KIAA1549L: variants seen among roughly 807,000 people sequenced by gnomAD.
KIAA1549L encodes the protein UPF0606 protein KIAA1549L.
In KIAA1549L, 88 loss-of-function variants were observed where a neutral mutation model predicts 160.7. The observed-to-expected ratio is 0.55, with a 90% confidence interval of 0.46 to 0.65. The LOEUF (loss-of-function observed/expected upper bound fraction) is 0.65. Among genes scored for constraint, KIAA1549L ranks in the 30% least tolerant of loss-of-function variants. KIAA1549L has a pLI of 0.00. For missense variants in KIAA1549L, 2,258 were observed against 2,437.5 expected (o/e 0.93, Z 1.55); for synonymous variants, 950 against 976.7 (o/e 0.97, Z 0.51).
At chr11:33,586,207 C>G (rs143513263) in intron 11 of KIAA1549L, among the ~76,000 whole-genome samples, 1 of 152,232 alleles carries the variant, frequency 6.6e-6, no homozygotes, top group Non-Finnish European at 1.5e-5. Context: ...CTGGGGACAT[C>G]GCTGCATCTT....
intron 1 of KIAA1549L, among the ~76,000 whole-genome samples, chr11:33,485,758 C>A (rs1037853095): frequency 2.6e-5 from 4 of 152,010 alleles, no homozygotes; most frequent in African/African-American, 7.2e-5. Flanking sequence ...AATTTTATAT[C>A]CTTTGACTAA....
intron 10 of KIAA1549L, among the ~76,000 whole-genome samples, chr11:33,575,470 C>T (rs1416013833): frequency 6.6e-6 from 1 of 152,154 alleles, no homozygotes; most frequent in Non-Finnish European, 1.5e-5. Context: ...AGCTGCTATG[C>T]GAGTTACTTC....
chr11:33,562,676 CTCTTT>C (rs1301821747), intron 8 of KIAA1549L, among the ~76,000 whole-genome samples: 8 of 135,954 alleles, frequency 5.9e-5, no homozygotes, highest in Admixed American at 2.2e-4. Flanking sequence ...ACTTCATTTC[CTCTTT>C]TTTTTTTTTT....
intron 16 of KIAA1549L, among the ~76,000 whole-genome samples, chr11:33,633,826 A>C (rs1263300802): frequency 6.6e-6 from 1 of 152,174 alleles, no homozygotes; most frequent in Non-Finnish European, 1.5e-5. Flanking sequence ...AAGTTAGGCC[A>C]GTTACCTTCC....
intron 1 of KIAA1549L, among the ~76,000 whole-genome samples, chr11:33,423,329 G>C (rs1851056927): frequency 6.6e-6 from 1 of 152,170 alleles, no homozygotes; most frequent in African/African-American, 2.4e-5. Context: ...AGCTTGGGTG[G>C]AGGGGTGGTG....
At chr11:33,555,796 G>T (rs1378749231) in intron 6 of KIAA1549L, among the ~76,000 whole-genome samples, 1 of 152,128 alleles carries the variant, frequency 6.6e-6, no homozygotes, top group African/African-American at 2.4e-5. Flanking sequence ...AAAAGAAAAA[G>T]TAGGCAAATT....
At chr11:33,552,855 A>C (rs1006261191) in intron 6 of KIAA1549L, among the ~76,000 whole-genome samples, 1 of 152,238 alleles carries the variant, frequency 6.6e-6, no homozygotes, top group African/African-American at 2.4e-5. Context: ...AACTTCCAGA[A>C]GGTCACACGG....
intron 1 of KIAA1549L, among the ~76,000 whole-genome samples, chr11:33,422,125 GC>G (rs1851024756): frequency 6.6e-6 from 1 of 151,912 alleles, no homozygotes; most frequent in Non-Finnish European, 1.5e-5. Context: ...CTCTCTCCAT[GC>G]CCCTTTACTA....
intron 1 of KIAA1549L, among the ~76,000 whole-genome samples, chr11:33,487,381 C>CAGGGACCAT (rs1852551886): frequency 6.8e-6 from 1 of 146,332 alleles, no homozygotes; most frequent in South Asian, 2.2e-4. Context: ...GCCCTGGAGG[C>CAGGGACCAT]AGGGACCATG....
chr11:33,545,417 G>A, intron 3 of KIAA1549L, 39 bp downstream of exon 3: 8 of 1,564,534 alleles, frequency 5.1e-6, no homozygotes, highest in Non-Finnish European at 6.9e-6. Flanking sequence ...CAGCAAGCCT[G>A]GCCTCAGAGA....
chr11:33,634,592 G>A (rs1460634853), intron 16 of KIAA1549L, among the ~76,000 whole-genome samples: 2 of 152,242 alleles, frequency 1.3e-5, no homozygotes, highest in African/African-American at 4.8e-5. Flanking sequence ...GTTATGGGGG[G>A]AGAAAGACGG....
At chr11:33,646,362 C>T (rs189755051) in intron 17 of KIAA1549L, among the ~76,000 whole-genome samples, 120 of 152,298 alleles carry the variant, frequency 7.9e-4, no homozygotes, top group African/African-American at 2.7e-3. Flanking sequence ...GCCTGAGACC[C>T]ATTTTAAATA....
At chr11:33,620,566 C>T (rs549016101) in intron 16 of KIAA1549L, among the ~76,000 whole-genome samples, 2 of 152,300 alleles carry the variant, frequency 1.3e-5, no homozygotes, top group African/African-American at 2.4e-5. Flanking sequence ...TATCTCATTG[C>T]ATTTGCATAG....
intron 1 of KIAA1549L, among the ~76,000 whole-genome samples, chr11:33,408,489 GTATATA>G (rs138063173): frequency 2.4e-5 from 3 of 123,064 alleles, no homozygotes; most frequent in South Asian, 2.5e-4. Context: ...CTGTATATGT[GTATATA>G]TATATATATA....
At chr11:33,606,138 A>G (rs1850494310) in intron 13 of KIAA1549L, among the ~76,000 whole-genome samples, 3 of 151,550 alleles carry the variant, frequency 2.0e-5, no homozygotes, top group South Asian at 4.2e-4. Flanking sequence ...AAAAAAAAAA[A>G]GAATGTCAGC....
At chr11:33,422,109 C>G (rs1242434497) in intron 1 of KIAA1549L, among the ~76,000 whole-genome samples, 2 of 152,182 alleles carry the variant, frequency 1.3e-5, no homozygotes, top group African/African-American at 4.8e-5. Flanking sequence ...TCCTCTCCTG[C>G]CAGGCCTCTC....
At chr11:33,445,323 A>G (rs1013310023) in intron 1 of KIAA1549L, among the ~76,000 whole-genome samples, 1 of 152,258 alleles carries the variant, frequency 6.6e-6, no homozygotes, top group African/African-American at 2.4e-5. Flanking sequence ...GGATAACAGC[A>G]GTTGTTCAGT....
At chr11:33,435,961 TAAA>T (rs35891099) in intron 1 of KIAA1549L, among the ~76,000 whole-genome samples, 4 of 116,162 alleles carry the variant, frequency 3.4e-5, no homozygotes, top group Non-Finnish European at 1.8e-5. Flanking sequence ...CTAAAATATC[TAAA>T]AAAAAAAAAA....
intron 1 of KIAA1549L, among the ~76,000 whole-genome samples, chr11:33,426,208 A>G (rs1218070957): frequency 6.6e-6 from 1 of 152,218 alleles, no homozygotes. Flanking sequence ...TATTAACAGT[A>G]GAGGAAGCCA....
Sources: gnomAD v4.1 joint callset for allele counts (sites outside exome capture counted in the v4.1 genomes callset) on GRCh38, gnomAD v4.1.1 for gene constraint, MANE v1.5 for transcripts, NCBI Gene and HGNC (gene_info 2026-07-23, HGNC 2026-07-21) for gene names.